Variants in ENAH observed in about 807,000 individuals in gnomAD.
The protein encoded by ENAH is ENAH actin regulator, also known as protein enabled homolog.
ENAH carries 23 observed loss-of-function variants against 78.7 expected under a neutral mutation model. The observed-to-expected ratio is 0.29, with a 90% confidence interval of 0.21 to 0.41. ENAH has a LOEUF of 0.41. Among genes scored for constraint, ENAH ranks in the 10% least tolerant of loss-of-function variants. The pLI is 1.00. For synonymous variants in ENAH, 226 were observed against 241.0 expected (o/e 0.94, Z 0.58); for missense variants, 544 against 691.0 (o/e 0.79, Z 2.39).
chr1:225,653,113 G>T lies in ENAH; in HGVS notation c.-423C>A. On this transcript the variant is annotated 5_prime_UTR_variant, in exon 1 of 14. Transcript: ENST00000366843. The surrounding 1 kb of genome is among the most constrained non-coding windows in gnomAD (Gnocchi z 4.3). ...GCAACCGGCAGCTGCTGCAGCCGCG[G>T]GAGGAGAGTCGGGATCGCCGCGAGG... 6.6e-6 allele frequency: 1 copy of T among 152,264 alleles called. No homozygotes were observed. The highest frequency in any genetic ancestry group is 1.9e-4 in the South Asian group (1 of 5,298). 9.4% of individuals were successfully genotyped at this position (152,264 alleles called of 1,614,324 possible).
chr1:225,533,730 C>T (rs1022019650), intron 3 of ENAH, among the ~76,000 whole-genome samples: 21 of 152,098 alleles, frequency 1.4e-4, no homozygotes, highest in African/African-American at 4.8e-4. Context: ...GATCAGGAGA[C>T]TCTATAATAG....
At chr1:225,584,077 C>G (rs1380436789) in intron 1 of ENAH, among the ~76,000 whole-genome samples, 1 of 150,116 alleles carries the variant, frequency 6.7e-6, no homozygotes, top group African/African-American at 2.5e-5. Flanking sequence ...TGCTTGAACC[C>G]GGGAGATGGA....
intron 3 of ENAH, among the ~76,000 whole-genome samples, chr1:225,547,104 C>T (rs1038056652): frequency 2.0e-5 from 3 of 151,542 alleles, no homozygotes; most frequent in African/African-American, 2.4e-5. Context: ...CGGAGTCTCA[C>T]TCTGTCGCCC....
rs2096215874 is a variant in ENAH, at chr1:225,490,158, A to G, written c.*7617T>C. ...TGACCTGCCCACAACTCCACACACA[A>G]AAAAGGACAGACTGAGAGAGACTGA... On this transcript the variant is annotated 3_prime_UTR_variant, in exon 14 of 14. Transcript: ENST00000366843. 6.6e-6 allele frequency: 1 copy of G among 152,216 alleles called. No individual in the cohort carries two copies. Among genetic ancestry groups the G allele is most frequent in the Non-Finnish European group, 1.5e-5 (1 of 68,076 alleles). 9.4% of individuals were successfully genotyped at this position (152,216 alleles called of 1,614,324 possible).
chr1:225,491,015 A>G lies in ENAH; in HGVS notation c.*6760T>C, dbSNP rs1423462168. The G allele has an allele frequency of 2.6e-5, 4 of 152,218 alleles. No homozygotes were observed. The highest frequency in any genetic ancestry group is 5.9e-5 in the Non-Finnish European group (4 of 68,046). 9.4% of individuals were successfully genotyped at this position (152,218 alleles called of 1,614,324 possible). ...GATGGACAAACCTCAGACTTGATCA[A>G]TGGGTGGAGGGAAACTCCATATTTA... is the stretch of plus-strand genomic sequence containing the variant. On this transcript the variant is annotated 3_prime_UTR_variant, in exon 14 of 14. Coordinates refer to ENST00000366843, the MANE Select transcript of ENAH (RefSeq NM_018212.6).
At chr1:225,589,779 T>C (rs1409635042) in intron 1 of ENAH, among the ~76,000 whole-genome samples, 1 of 152,166 alleles carries the variant, frequency 6.6e-6, no homozygotes, top group Non-Finnish European at 1.5e-5. Flanking sequence ...TAGTAGGCTC[T>C]AGATTGTGGG....
rs1428545592 is a variant in ENAH, at chr1:225,518,034, A to G, written c.803-728T>C. On this transcript the variant is annotated intron_variant, in intron 5 of 13. Transcript: ENST00000366843. Reference sequence around the variant, plus strand: ...GCAGCAGCAAAAGACAGGATAAAAAAGGAGAGAGAAAAAGGGAGCTAGTGA... The same window carrying G: ...GCAGCAGCAAAAGACAGGATAAAAAGGGAGAGAGAAAAAGGGAGCTAGTGA... The G allele has an allele frequency of 2.2e-5, 33 of 1,490,366 alleles. No individual in the cohort carries two copies. The East Asian group carries it at 7.6e-4, about 34-fold the overall frequency. The allele number at this position is 1,490,366 out of a possible 1,614,324, so 92.3% of individuals were successfully genotyped here. A position where few individuals can be genotyped will look rare whatever the true frequency, so the allele number is the denominator to read the frequency against.
At chr1:225,500,865 A>ATAACTACTAATGCCACT in intron 12 of ENAH, 127 bp downstream of exon 12, 1 of 881,938 alleles carries the variant, frequency 1.1e-6, no homozygotes, top group Non-Finnish European at 1.7e-6. Context: ...GCCACTGTTT[A>ATAACTACTAATGCCACT]ATTTGTATAA....
At chr1:225,586,275 A>G (rs2096846318) in intron 1 of ENAH, among the ~76,000 whole-genome samples, 1 of 145,204 alleles carries the variant, frequency 6.9e-6, no homozygotes, top group African/African-American at 2.5e-5. Flanking sequence ...AAAAGAGGAG[A>G]AGGAGGGGGA....
In ENAH at chr1:225,514,800, T is replaced by C; in HGVS notation, c.1014A>G (p.Pro338=). Residue 338 remains proline, a synonymous_variant, in exon 7 of 14, where the codon CCA becomes CCG. Coordinates refer to ENST00000366843, the MANE Select transcript of ENAH (RefSeq NM_018212.6). ...GCCCGGTGGATGGGAGTGGAGGAGG[T>C]GGAGGGGGCCCTGGGGGAGGAGGGA... ...VALPPPPGPP[P]PPPLPSTGPP... The C allele has an allele frequency of 1.3e-6, 1 of 790,758 alleles. No homozygotes were observed. The highest frequency in any genetic ancestry group is 1.5e-6 in the Non-Finnish European group (1 of 660,320). The allele number at this position is 790,758 out of a possible 1,614,324, so 49.0% of individuals were successfully genotyped here.
intron 1 of ENAH, among the ~76,000 whole-genome samples, chr1:225,597,156 G>A (rs753323431): frequency 6.6e-6 from 1 of 152,032 alleles, no homozygotes; most frequent in African/African-American, 2.4e-5. Flanking sequence ...CCATTCCGCC[G>A]TGAACCAAGT....
At chr1:225,554,273 A>G (rs1198382686) in intron 3 of ENAH, among the ~76,000 whole-genome samples, 1 of 152,176 alleles carries the variant, frequency 6.6e-6, no homozygotes, top group Non-Finnish European at 1.5e-5. Context: ...CTATTTTTTA[A>G]ACCAAGACAA....
intron 12 of ENAH, 141 bp from the exon 13 acceptor site, chr1:225,498,545 G>T: frequency 1.7e-6 from 1 of 586,824 alleles, no homozygotes; most frequent in Non-Finnish European, 3.0e-6. Flanking sequence ...TTTCTTGGAA[G>T]ACTAGCCTTG....
chr1:225,564,944 G>A (rs572943398), intron 2 of ENAH, among the ~76,000 whole-genome samples: 4 of 151,570 alleles, frequency 2.6e-5, no homozygotes, highest in African/African-American at 9.7e-5. Flanking sequence ...ATATCACTCA[G>A]GTCTCAGTGT....
At chr1:225,564,454 ATTTTTTT>A (rs71170093) in intron 2 of ENAH, among the ~76,000 whole-genome samples, 1 of 122,424 alleles carries the variant, frequency 8.2e-6, no homozygotes, top group Non-Finnish European at 1.7e-5. Context: ...ATGCCCGACT[ATTTTTTT>A]TTTTTTTTTT....
chr1:225,572,844 GTATA>G (rs2096770187), intron 1 of ENAH, among the ~76,000 whole-genome samples: 1 of 152,088 alleles, frequency 6.6e-6, no homozygotes, highest in African/African-American at 2.4e-5. Context: ...AGTGCAATTG[GTATA>G]TATAGTTAAT....
chr1:225,642,060 G>A (rs867134565), intron 1 of ENAH, among the ~76,000 whole-genome samples: 4 of 151,740 alleles, frequency 2.6e-5, no homozygotes, highest in Non-Finnish European at 4.4e-5. Context: ...AATTAGCCAG[G>A]CATGGTGACG....
intron 3 of ENAH, among the ~76,000 whole-genome samples, chr1:225,539,382 C>T (rs1016561361): frequency 1.1e-4 from 16 of 152,136 alleles, no homozygotes; most frequent in Middle Eastern, 6.8e-3. Flanking sequence ...TGTTTTTTAA[C>T]GTCTTATAAT....
intron 3 of ENAH, among the ~76,000 whole-genome samples, chr1:225,551,273 T>C (rs1476871279): frequency 1.3e-5 from 2 of 152,068 alleles, no homozygotes. Flanking sequence ...TATTAGATAA[T>C]TGCATACCAA....
Sources: allele counts gnomAD v4.1 joint callset (sites outside exome capture counted in the v4.1 genomes callset), GRCh38; gene constraint gnomAD v4.1.1; non-coding constraint Gnocchi (gnomAD v3.1); transcripts MANE v1.5; gene names NCBI Gene and HGNC (gene_info 2026-07-23, HGNC 2026-07-21).